The following EREG variants were observed in gnomAD, a reference collection of about 807,000 sequenced individuals.
EREG encodes the protein proepiregulin.
A neutral mutation model predicts 22.4 loss-of-function variants in EREG; 23 were observed. That is an observed-to-expected ratio of 1.03 (90% CI 0.74 to 1.46). The LOEUF (loss-of-function observed/expected upper bound fraction) is 1.46, where lower values mean the gene tolerates loss of function less well. Among genes scored for constraint, EREG ranks in the 40% most tolerant of loss-of-function variants. The probability of loss-of-function intolerance (pLI) is 0.00; values close to 1 mark genes in which losing one functional copy is unlikely to be tolerated. For synonymous variants in EREG, 100 were observed against 75.4 expected (o/e 1.33, Z -1.69); for missense variants, 226 against 205.9 (o/e 1.10, Z -0.60).
chr4:74,367,203 A>T (rs555453133), intron 1 of EREG, among the ~76,000 whole-genome samples: 4 of 152,308 alleles, frequency 2.6e-5, no homozygotes, highest in African/African-American at 9.6e-5. Context: ...TGCTATGCAC[A>T]ATCATTTGGT....
At chr4:74,380,269 C>CT (rs35548685) in intron 2 of EREG, among the ~76,000 whole-genome samples, 104,588 of 148,602 alleles carry the variant, frequency 0.7, 37,482 homozygotes, top group Non-Finnish European at 0.78. Flanking sequence ...TCCGCATCAT[C>CT]TTTTTTTTTT....
chr4:74,380,845 G>A (rs1163408972), intron 2 of EREG, among the ~76,000 whole-genome samples, 169 bp from the exon 3 acceptor site: 2 of 152,146 alleles, frequency 1.3e-5, no homozygotes, highest in East Asian at 1.9e-4. Context: ...TTATTGATTG[G>A]TCTAGGGGGT....
At chr4:74,384,611 T>C (rs1752537971) in intron 4 of EREG, 116 bp from the exon 5 acceptor site, 1 of 553,766 alleles carries the variant, frequency 1.8e-6, no homozygotes, top group Middle Eastern at 3.7e-4. Flanking sequence ...CTAAATCTGT[T>C]CAACTTTGTC....
rs958403126 is a variant in EREG, at chr4:74,387,552, C to T, written c.*2744C>T. 1 of 152,052 alleles carries T rather than the reference C, an allele frequency of 6.6e-6. No individual in the cohort carries two copies. Among genetic ancestry groups the T allele is most frequent in the Non-Finnish European group, 1.5e-5 (1 of 68,016 alleles). 9.4% of individuals were successfully genotyped at this position (152,052 alleles called of 1,614,324 possible). On this transcript the variant is annotated 3_prime_UTR_variant, in exon 5 of 5. Coordinates refer to ENST00000244869, the MANE Select transcript of EREG (RefSeq NM_001432.3). ...ATGCATATTAAATAATAAAGTATGA[C>T]CCACATTACTTTTTATGGGTGAAAA...
Position 74,382,795 on chromosome 4 carries a change from G to GT in EREG, c.428+2dup. 1 of 1,609,774 alleles carries GT rather than the reference G, an allele frequency of 6.2e-7. No homozygotes were observed. The highest frequency in any genetic ancestry group is 8.5e-7 in the Non-Finnish European group (1 of 1,177,738). On this transcript the variant is annotated splice_donor_variant, in intron 4 of 4. Transcript: ENST00000244869. LOFTEE classifies it high-confidence loss of function. Reference sequence around the variant, plus strand: ...GTTCCACATATTATTTCTGCAGATGGTAAGTCAGTGTGGTTTTATACTCTG... The same window carrying GT: ...GTTCCACATATTATTTCTGCAGATGGTTAAGTCAGTGTGGTTTTATACTCTG...
At chr4:74,379,299 T>G (rs1752434650) in intron 1 of EREG, 149 bp from the exon 2 acceptor site, 2 of 538,486 alleles carry the variant, frequency 3.7e-6, no homozygotes. Flanking sequence ...GTTACATGCC[T>G]GTTTCCATGA....
chr4:74,378,388 G>A (rs1378017062), intron 1 of EREG, among the ~76,000 whole-genome samples: 1 of 152,112 alleles, frequency 6.6e-6, no homozygotes, highest in East Asian at 1.9e-4. Context: ...ACAACCTTTA[G>A]GGTGTAGAAA....
chr4:74,379,481 C>A lies in EREG; in HGVS notation c.101C>A (p.Thr34Asn), dbSNP rs747448119. The change falls in exon 2 of 5, where the codon ACT becomes AAT. Residue 34 changes from threonine to asparagine, a missense_variant. By Grantham distance (65) the Thr-to-Asn change is moderately conservative (BLOSUM62 0). Coordinates refer to ENST00000244869, the MANE Select transcript of EREG (RefSeq NM_001432.3). ...CTTCTACAGGCAGTCCTCAGTACAA[C>A]TGTGATTCCATCATGTATCCCAGGA... The part of the protein sequence containing the change: ...FHLLQAVLST[T>N]VIPSCIPGES... The A allele has an allele frequency of 1.2e-6, 2 of 1,612,276 alleles. No individual in the cohort carries two copies. Among genetic ancestry groups the A allele is most frequent in the Non-Finnish European group, 8.5e-7 (1 of 1,178,384 alleles).
At chr4:74,380,199 C>T (rs1286603964) in intron 2 of EREG, among the ~76,000 whole-genome samples, 3 of 151,680 alleles carry the variant, frequency 2.0e-5, no homozygotes, top group African/African-American at 4.8e-5. Context: ...ATCTTTTGTC[C>T]CTCACCATCA....
chr4:74,380,893 C>G (rs2110388621), intron 2 of EREG, 121 bp from the exon 3 acceptor site: 1 of 1,047,260 alleles, frequency 9.5e-7, no homozygotes, highest in South Asian at 1.6e-5. Flanking sequence ...TCAAAATTCT[C>G]CTTGACAGAT....
At chr4:74,369,329 A>T (rs1752252440) in intron 1 of EREG, among the ~76,000 whole-genome samples, 1 of 151,992 alleles carries the variant, frequency 6.6e-6, no homozygotes, top group South Asian at 2.1e-4. Flanking sequence ...TGAGTCTCTA[A>T]AGTCCATTAT....
intron 1 of EREG, among the ~76,000 whole-genome samples, chr4:74,373,751 TACACAC>T (rs138641027): frequency 6.8e-6 from 1 of 147,108 alleles, no homozygotes; most frequent in Admixed American, 6.8e-5. Context: ...TATATATCTA[TACACAC>T]ACACACACAC....
chr4:74,383,553 T>C (rs1357717021), intron 4 of EREG, among the ~76,000 whole-genome samples: 2 of 152,160 alleles, frequency 1.3e-5, no homozygotes, highest in African/African-American at 4.8e-5. Context: ...TAGTTTGGCA[T>C]TTTTTTAAGG....
intron 1 of EREG, among the ~76,000 whole-genome samples, chr4:74,378,324 G>A (rs780997605): frequency 2.0e-5 from 3 of 152,238 alleles, no homozygotes; most frequent in Admixed American, 6.5e-5. Context: ...GAATCCAAAC[G>A]AAAATGTCCA....
chr4:74,379,495 T>C lies in EREG; in HGVS notation c.115T>C (p.Cys39Arg). ...CCTCAGTACAACTGTGATTCCATCA[T>C]GTATCCCAGGAGAGTCCAGTGATAA... ...AVLSTTVIPS[C>R]IPGESSDNCT... The change falls in exon 2 of 5, where the codon TGT becomes CGT. Residue 39 changes from cysteine to arginine, a missense_variant. Transcript: ENST00000244869. The C allele has an allele frequency of 1.2e-6, 2 of 1,612,926 alleles. No homozygotes were observed. The highest frequency in any genetic ancestry group is 1.7e-6 in the Non-Finnish European group (2 of 1,178,914).
chr4:74,370,286 G>T (rs1036509044), intron 1 of EREG, among the ~76,000 whole-genome samples: 2 of 151,922 alleles, frequency 1.3e-5, no homozygotes, highest in Non-Finnish European at 2.9e-5. Flanking sequence ...CTCCTTGCTG[G>T]TGCTATAGTC....
At chr4:74,378,361 G>A (rs953649262) in intron 1 of EREG, among the ~76,000 whole-genome samples, 1 of 152,100 alleles carries the variant, frequency 6.6e-6, no homozygotes, top group Non-Finnish European at 1.5e-5. Flanking sequence ...CACATAGGAG[G>A]TATTTATTCT....
At chr4:74,379,129 A>G (rs184609881) in intron 1 of EREG, among the ~76,000 whole-genome samples, 18 of 152,328 alleles carry the variant, frequency 1.2e-4, no homozygotes, top group African/African-American at 4.3e-4. Context: ...AAAACAGTGG[A>G]AATTCTCCAA....
Position 74,386,801 on chromosome 4 carries a change from T to C in EREG, c.*1993T>C, listed in dbSNP as rs942535132. The C allele has an allele frequency of 6.6e-6, 1 of 152,140 alleles. No individual in the cohort carries two copies. The highest frequency in any genetic ancestry group is 2.4e-5 in the African/African-American group (1 of 41,438). 9.4% of individuals were successfully genotyped at this position (152,140 alleles called of 1,614,324 possible). A position where few individuals can be genotyped will look rare whatever the true frequency, so the allele number is the denominator to read the frequency against. Reference sequence around the variant, plus strand: ...TATAACAACTATTTACTTTTTTTTTTTTCTTTTTGAGATGGAGTCTCGCTC... The same window carrying C: ...TATAACAACTATTTACTTTTTTTTTCTTCTTTTTGAGATGGAGTCTCGCTC... On this transcript the variant is annotated 3_prime_UTR_variant, in exon 5 of 5. Coordinates refer to ENST00000244869, the MANE Select transcript of EREG (RefSeq NM_001432.3).
Sources: allele counts gnomAD v4.1 joint callset (sites outside exome capture counted in the v4.1 genomes callset), GRCh38; gene constraint gnomAD v4.1.1; transcripts MANE v1.5; gene names NCBI Gene and HGNC (gene_info 2026-07-23, HGNC 2026-07-21).